Variants in GASK1B observed in about 807,000 individuals in gnomAD.
GASK1B encodes golgi associated kinase 1B.
GASK1B carries 34 observed loss-of-function variants against 42.8 expected under a neutral mutation model. The observed-to-expected ratio is 0.79, with a 90% confidence interval of 0.60 to 1.06. GASK1B has a LOEUF of 1.06. GASK1B is among the 50% of genes least tolerant of loss of function. GASK1B has a pLI of 0.00. For synonymous variants in GASK1B, 262 were observed against 259.1 expected, an observed-to-expected ratio of 1.01 and a Z score of -0.11; for missense variants, 686 against 661.0, an observed-to-expected ratio of 1.04 and a Z score of -0.42.
intron 3 of GASK1B, among the ~76,000 whole-genome samples, chr4:158,149,922 G>GTTTTTTTTTTTTTTTTTTTTTTTTTTTT (rs1560785203): frequency 6.4e-5 from 1 of 15,526 alleles, no homozygotes; most frequent in African/African-American, 1.3e-4. Context: ...TCTGCATGCT[G>GTTTTTTTTTTTTTTTTTTTTTTTTTTTT]CTTTTTTTTT....
intron 3 of GASK1B, among the ~76,000 whole-genome samples, chr4:158,150,775 T>C (rs1579031309): frequency 6.6e-6 from 1 of 152,194 alleles, no homozygotes. Context: ...ATAGCAGGAC[T>C]CTTGAACACT....
chr4:158,147,497 A>C (rs560128445), intron 3 of GASK1B, among the ~76,000 whole-genome samples: 1 of 152,098 alleles, frequency 6.6e-6, no homozygotes, highest in East Asian at 1.9e-4. Context: ...CCAGCTACTC[A>C]GGAGGCTGAG....
intron 3 of GASK1B, among the ~76,000 whole-genome samples, chr4:158,150,161 G>A (rs1195741549): frequency 3.3e-5 from 5 of 151,950 alleles, no homozygotes; most frequent in South Asian, 2.1e-4. Flanking sequence ...TCCTGACCTC[G>A]TGATCTGCCC....
At position 158,160,376 on chromosome 4, in the gene GASK1B, G is replaced by A. The variant is rs540446978; in HGVS notation, c.911-4551C>T. On this transcript the variant is annotated intron_variant, in intron 2 of 4. Coordinates refer to ENST00000585682, the MANE Select transcript of GASK1B (RefSeq NM_001128424.2). ...AGTCCTGAATCTAGGGACTTGTCCT[G>A]GAGCAAATTAAAACCACAATAAGAT... Among the ~76,000 whole-genome samples, 3 of 152,166 alleles carry A rather than the reference G, an allele frequency of 2.0e-5. No individual in the cohort carries two copies. The South Asian group carries it at 6.2e-4, about 32-fold the overall frequency.
chr4:158,142,634 G>A lies in GASK1B; in HGVS notation c.1126-11622C>T, dbSNP rs182371997. On this transcript the variant is annotated intron_variant, in intron 3 of 4. Transcript: ENST00000585682. The stretch of plus-strand genomic sequence containing the variant: ...ATTTTTCAATTCCCAGTGAACTAGT[G>A]GATCAATGTGAACATCAATAGCTGC... Among the ~76,000 whole-genome samples, 13 of 152,168 alleles carry A rather than the reference G, an allele frequency of 8.5e-5. 1 individual carries two copies. The highest frequency in any genetic ancestry group is 7.9e-4 in the Admixed American group (12 of 15,282).
chr4:158,159,067 T>C (rs1328421454), intron 2 of GASK1B, among the ~76,000 whole-genome samples: 3 of 152,132 alleles, frequency 2.0e-5, no homozygotes, highest in African/African-American at 7.2e-5. Context: ...CCAAATAAAG[T>C]GTTCAGCTGA....
At position 158,127,426 on chromosome 4, in the gene GASK1B, A is replaced by G. The variant is rs775290972; in HGVS notation, c.1541T>C (p.Val514Ala). 2.8e-5 allele frequency: 45 copies of G among 1,613,374 alleles called. No homozygotes were observed. Among genetic ancestry groups the G allele is most frequent in the Non-Finnish European group, 3.6e-5 (43 of 1,179,552 alleles). Residue 514 changes from valine to alanine, a missense_variant, in exon 5 of 5, where the codon GTA (valine) becomes GCA (alanine). By Grantham distance (64) the Val-to-Ala change is moderately conservative. Coordinates refer to ENST00000585682, the MANE Select transcript of GASK1B (RefSeq NM_001128424.2). ...CTTTTGTCATTCATTCATAGGTAAT[A>G]CTTTGACCCCGTGTGCATTGATATA... is the stretch of plus-strand genomic sequence containing the variant. ...ITYINAHGVK[V>A]LPMNE
rs191445246 is a variant in GASK1B at position 158,139,418 on chromosome 4, C to T, written c.1126-8406G>A. On this transcript the variant is annotated intron_variant, in intron 3 of 4. Transcript: ENST00000585682. The stretch of plus-strand genomic sequence containing the variant: ...AAAGGTCTGTTTTCCCCTACCCATC[C>T]TTTTGTGGCAATCTCAAAATCTTAA... Among the ~76,000 whole-genome samples, 550 of 152,296 alleles carry T rather than the reference C, an allele frequency of 3.6e-3. 3 individuals are homozygous for T. Among genetic ancestry groups the T allele is most frequent in the African/African-American group, 0.013 (524 of 41,558 alleles).
At chr4:158,131,167 C>G (rs542742151) in intron 3 of GASK1B, among the ~76,000 whole-genome samples, 155 bp from the exon 4 acceptor site, 154 of 152,262 alleles carry the variant, frequency 1.0e-3, no homozygotes, top group African/African-American at 3.5e-3. Flanking sequence ...CAGAACAAGT[C>G]CAAGGTTCAT....
chr4:158,132,489 T>C (rs1730720908), intron 3 of GASK1B, among the ~76,000 whole-genome samples: 1 of 152,198 alleles, frequency 6.6e-6, no homozygotes, highest in East Asian at 1.9e-4. Context: ...GGTCAGCACC[T>C]CTCCACCATT....
intron 3 of GASK1B, among the ~76,000 whole-genome samples, chr4:158,134,518 G>A (rs1448917480): frequency 6.6e-6 from 1 of 152,102 alleles, no homozygotes; most frequent in Admixed American, 6.5e-5. Flanking sequence ...CTTTAAAACA[G>A]GAATGTCTTT....
chr4:158,168,050 T>A (rs903037062), intron 2 of GASK1B, among the ~76,000 whole-genome samples: 1 of 152,216 alleles, frequency 6.6e-6, no homozygotes. Context: ...TGTAGAGTAT[T>A]CATAACTATA....
intron 3 of GASK1B, among the ~76,000 whole-genome samples, chr4:158,134,110 T>C (rs1192377615): frequency 1.3e-5 from 2 of 152,234 alleles, no homozygotes; most frequent in Non-Finnish European, 2.9e-5. Context: ...ATTTTGTTTA[T>C]AGGTTTCCTT....
chr4:158,149,246 T>C (rs916543626), intron 3 of GASK1B, among the ~76,000 whole-genome samples: 11 of 152,192 alleles, frequency 7.2e-5, no homozygotes, highest in African/African-American at 2.7e-4. Context: ...TATCATTCGT[T>C]TCATGCACTA....
At chr4:158,133,506 A>G (rs1208742533) in intron 3 of GASK1B, among the ~76,000 whole-genome samples, 2 of 152,190 alleles carry the variant, frequency 1.3e-5, no homozygotes, top group African/African-American at 2.4e-5. Flanking sequence ...CTATAACAAA[A>G]CCATGAATAT....
Position 158,171,175 on chromosome 4 carries a change from C to T in GASK1B, c.201G>A (p.Glu67=). 1 of 1,612,058 alleles carries T rather than the reference C, an allele frequency of 6.2e-7. No homozygotes were observed. The highest frequency in any genetic ancestry group is 8.5e-7 in the Non-Finnish European group (1 of 1,178,728). The part of the protein sequence containing the change: ...RASLQHGQAA[E]KGPHRSRDTA... ...TGTCGCGGCTGCGATGTGGCCCCTTCTCAGCCGCCTGTCCATGCTGGAGAG... is the reference window on the plus strand; with the variant it reads ...TGTCGCGGCTGCGATGTGGCCCCTTTTCAGCCGCCTGTCCATGCTGGAGAG... Residue 67 remains glutamate (E), a synonymous_variant, in exon 2 of 5, where the codon GAG becomes GAA. Transcript: ENST00000585682.
At chr4:158,147,099 T>C (rs1157680016) in intron 3 of GASK1B, among the ~76,000 whole-genome samples, 1 of 152,198 alleles carries the variant, frequency 6.6e-6, no homozygotes, top group Non-Finnish European at 1.5e-5. Flanking sequence ...TTTTCTAAGA[T>C]TGCTCACAAA....
At chr4:158,143,611 G>A (rs557496947) in intron 3 of GASK1B, among the ~76,000 whole-genome samples, 38 of 152,228 alleles carry the variant, frequency 2.5e-4, no homozygotes, top group African/African-American at 8.9e-4. Flanking sequence ...ATCAAAGTTC[G>A]CTGCTACTTG....
chr4:158,149,648 C>T (rs181531264), intron 3 of GASK1B, among the ~76,000 whole-genome samples: 1 of 152,278 alleles, frequency 6.6e-6, no homozygotes, highest in East Asian at 1.9e-4. Flanking sequence ...AACATTTGAC[C>T]TCATAGTGAG....
Sources: allele counts gnomAD v4.1 joint callset (sites outside exome capture counted in the v4.1 genomes callset), GRCh38; gene constraint gnomAD v4.1.1; transcripts MANE v1.5; gene names NCBI Gene and HGNC (gene_info 2026-07-23, HGNC 2026-07-21).